FRAS1: variants seen among roughly 807,000 people sequenced by gnomAD.
FRAS1 encodes the protein Fraser extracellular matrix complex subunit 1, also known as extracellular matrix organizing protein FRAS1.
In FRAS1, 290 loss-of-function variants were observed where a neutral mutation model predicts 435.2. The ratio of observed to expected loss-of-function variants is 0.67; its 90% confidence interval spans 0.61 to 0.73. The LOEUF (loss-of-function observed/expected upper bound fraction) is 0.73. Among genes scored for constraint, FRAS1 ranks in the 30% least tolerant of loss-of-function variants. FRAS1 has a pLI of 0.00. For synonymous variants in FRAS1, 1,800 were observed against 1,851.0 expected (o/e 0.97, Z 0.71); for missense variants, 4,860 against 5,001.5 (o/e 0.97, Z 0.85).
At chr4:78,509,089 T>G (rs1315385430) in intron 63 of FRAS1, 83 bp downstream of exon 63, 3 of 1,441,648 alleles carry the variant, frequency 2.1e-6, no homozygotes, top group African/African-American at 1.4e-5. Context: ...ATCAAATTCC[T>G]TATGGTCCAT....
intron 16 of FRAS1, among the ~76,000 whole-genome samples, chr4:78,316,607 G>A (rs938981462): frequency 6.6e-6 from 1 of 151,694 alleles, no homozygotes; most frequent in African/African-American, 2.4e-5. Flanking sequence ...CCCTGCTAGA[G>A]GCTCAGCCAG....
intron 12 of FRAS1, 69 bp downstream of exon 12, chr4:78,283,036 C>A: frequency 8.4e-7 from 1 of 1,189,410 alleles, no homozygotes; most frequent in Non-Finnish European, 1.1e-6. Flanking sequence ...ATCCTCTTCC[C>A]CACCCCCTTG....
chr4:78,452,041 C>T (rs1032140680), intron 46 of FRAS1, 134 bp from the exon 47 acceptor site: 1 of 1,242,188 alleles, frequency 8.1e-7, no homozygotes, highest in Non-Finnish European at 1.1e-6. Context: ...TGCACGAAGC[C>T]CTGGCTCCTT....
At chr4:78,161,421 A>G (rs1369076822) in intron 2 of FRAS1, among the ~76,000 whole-genome samples, 1 of 152,016 alleles carries the variant, frequency 6.6e-6, no homozygotes, top group Non-Finnish European at 1.5e-5. Context: ...GAGCTTCTCT[A>G]TGCCTTGATT....
rs78451072 is a variant in FRAS1, at chr4:78,278,599, C to T, written c.982-56C>T. 2.7e-3 allele frequency: 2,679 copies of T among 982,934 alleles called. 50 individuals are homozygous for T. In the African/African-American group the frequency reaches 0.036, roughly 13 times the overall value. The allele number at this position is 982,934 out of a possible 1,614,324, so 60.9% of individuals were successfully genotyped here. On this transcript the variant is annotated intron_variant, in intron 9 of 73. Transcript: ENST00000512123. ...GAACCCAACTGCTTCTCAATTTAGC[C>T]CTGCTACCTGGAGATGTTAATTTGA...
intron 30 of FRAS1, among the ~76,000 whole-genome samples, chr4:78,406,257 G>C (rs1488042375): frequency 6.6e-6 from 1 of 152,172 alleles, no homozygotes; most frequent in Non-Finnish European, 1.5e-5. Context: ...ACCTTCATCT[G>C]TAAAATGAAG....
At chr4:78,159,654 G>T (rs1235083803) in intron 2 of FRAS1, among the ~76,000 whole-genome samples, 1 of 152,210 alleles carries the variant, frequency 6.6e-6, no homozygotes, top group African/African-American at 2.4e-5. Context: ...GCCAAGGAGG[G>T]TAGATCACTT....
At position 78,427,494 on chromosome 4, in the gene FRAS1, A is replaced by G. The variant is rs192301574; in HGVS notation, c.4712-1601A>G. Among the ~76,000 whole-genome samples, 8 of 152,368 alleles carry G rather than the reference A, an allele frequency of 5.3e-5. No individual in the cohort carries two copies. The East Asian group carries it at 7.7e-4, about 15-fold the overall frequency. The stretch of plus-strand genomic sequence containing the variant: ...AAGTAAAATAAAATTGCATTTTGCA[A>G]CTAGTTCTTATCTTAGATTACAGAG... On this transcript the variant is annotated intron_variant, in intron 35 of 73. Transcript: ENST00000512123.
intron 33 of FRAS1, among the ~76,000 whole-genome samples, chr4:78,419,766 G>A (rs990635317): frequency 1.3e-5 from 2 of 152,206 alleles, no homozygotes; most frequent in African/African-American, 4.8e-5. Context: ...GGATGGGGAG[G>A]CCTCAGGAAA....
intron 20 of FRAS1, among the ~76,000 whole-genome samples, chr4:78,341,553 A>G (rs149529078): frequency 4.6e-5 from 7 of 152,278 alleles, no homozygotes; most frequent in African/African-American, 7.2e-5. Flanking sequence ...TATTAATAGT[A>G]TGTTAGGTTG....
chr4:78,206,812 TTC>T (rs1723280243), intron 2 of FRAS1, among the ~76,000 whole-genome samples: 2 of 152,334 alleles, frequency 1.3e-5, no homozygotes, highest in African/African-American at 4.8e-5. Flanking sequence ...GCCTCCTGAC[TTC>T]CAGCCTAATA....
intron 2 of FRAS1, among the ~76,000 whole-genome samples, chr4:78,077,892 T>C (rs1740725156): frequency 6.8e-6 from 1 of 146,290 alleles, no homozygotes; most frequent in South Asian, 2.2e-4. Flanking sequence ...CTGAAAGCAA[T>C]ACAGCCTTGT....
rs1729391258 is a variant in FRAS1 at position 78,318,983 on chromosome 4, G to A, written c.2134G>A (p.Glu712Lys). 1.2e-6 allele frequency: 2 copies of A among 1,613,730 alleles called. No homozygotes were observed. Among genetic ancestry groups the A allele is most frequent in the African/African-American group, 2.7e-5 (2 of 74,922 alleles). ...HFYLESTGIC[E>K]ACHQSCFRCA... is the part of the protein sequence containing the mutation. ...TTACTTGGAGAGCACTGGCATATGTGAAGGTAAGCATGATTTGAGAAAGTG... is the reference window on the plus strand; with the variant it reads ...TTACTTGGAGAGCACTGGCATATGTAAAGGTAAGCATGATTTGAGAAAGTG... Residue 712 changes from glutamate (E) to lysine (K), a missense_variant, in exon 18 of 74, where the codon GAA becomes AAA. Coordinates refer to ENST00000512123, the MANE Select transcript of FRAS1 (RefSeq NM_025074.7).
chr4:78,267,511 C>T, intron 9 of FRAS1, 79 bp downstream of exon 9: 1 of 1,358,464 alleles, frequency 7.4e-7, no homozygotes, highest in Non-Finnish European at 1.0e-6. Flanking sequence ...CTGTTCTTTA[C>T]TTCTTGGCAG....
At chr4:78,119,667 T>C (rs1336166985) in intron 2 of FRAS1, among the ~76,000 whole-genome samples, 2 of 152,320 alleles carry the variant, frequency 1.3e-5, no homozygotes, top group East Asian at 3.9e-4. Context: ...TAGTTCCTAA[T>C]CCTGACTTTA....
intron 66 of FRAS1, among the ~76,000 whole-genome samples, chr4:78,516,541 A>G (rs1414632036): frequency 6.6e-6 from 1 of 152,222 alleles, no homozygotes; most frequent in African/African-American, 2.4e-5. Context: ...AATATATATT[A>G]CCATTAAACA....
intron 58 of FRAS1, among the ~76,000 whole-genome samples, chr4:78,485,494 G>A (rs1469526239): frequency 6.6e-6 from 1 of 152,142 alleles, no homozygotes; most frequent in Admixed American, 6.5e-5. Context: ...ACAGCAATAT[G>A]TGTTTAATCA....
chr4:78,444,553 T>C (rs1718725381), intron 41 of FRAS1, among the ~76,000 whole-genome samples: 2 of 152,190 alleles, frequency 1.3e-5, no homozygotes, highest in Admixed American at 6.5e-5. Flanking sequence ...TAGCTGCACT[T>C]TTCTGTGTTG....
intron 69 of FRAS1, among the ~76,000 whole-genome samples, chr4:78,523,021 G>A (rs1232265929): frequency 2.0e-5 from 3 of 152,128 alleles, no homozygotes; most frequent in Non-Finnish European, 2.9e-5. Context: ...GCTGCAGTTA[G>A]CCATGATGCC....
Sources: allele counts gnomAD v4.1 joint callset (sites outside exome capture counted in the v4.1 genomes callset), GRCh38; gene constraint gnomAD v4.1.1; transcripts MANE v1.5; gene names NCBI Gene and HGNC (gene_info 2026-07-23, HGNC 2026-07-21).